Variants in CCN4 observed in about 807,000 individuals in gnomAD.
The protein encoded by CCN4 is CCN family member 4.
CCN4 carries 30 observed loss-of-function variants against 36.7 expected under a neutral mutation model. The ratio of observed to expected loss-of-function variants is 0.82; its 90% confidence interval spans 0.61 to 1.11. The LOEUF (loss-of-function observed/expected upper bound fraction) is 1.11. Among genes scored for constraint, CCN4 ranks in the 50% least tolerant of loss-of-function variants. The probability of loss-of-function intolerance (pLI) is 0.00; values close to 1 mark genes in which losing one functional copy is unlikely to be tolerated. For synonymous variants in CCN4, 191 were observed against 195.4 expected (o/e 0.98, Z 0.19); for missense variants, 505 against 504.9 (o/e 1.00, Z 0.00).
At chr8:133,210,937 A>G (rs1206665593) in intron 1 of CCN4, among the ~76,000 whole-genome samples, 1 of 152,244 alleles carries the variant, frequency 6.6e-6, no homozygotes, top group African/African-American at 2.4e-5. Flanking sequence ...GCCTTGAGGT[A>G]GGGAAAGGGT....
rs1415050858 is a variant in CCN4 at position 133,227,997 on chromosome 8, T to G, written c.*287T>G. ...AGCCTTTCCAAGTCACTAGAAGTCC[T>G]GCTGGATCTTGCCTAAATCCCAAGA... is the stretch of plus-strand genomic sequence containing the variant. On this transcript the variant is annotated 3_prime_UTR_variant, in exon 5 of 5. Transcript: ENST00000250160. The G allele has an allele frequency of 3.0e-6, 1 of 331,474 alleles. No homozygotes were observed. The highest frequency in any genetic ancestry group is 2.1e-5 in the African/African-American group (1 of 47,718). The allele number at this position is 331,474 out of a possible 1,614,324, so 20.5% of individuals were successfully genotyped here. A position where few individuals can be genotyped will look rare whatever the true frequency, so the allele number is the denominator to read the frequency against.
intron 3 of CCN4, 54 bp from the exon 4 acceptor site, chr8:133,225,336 G>T: frequency 6.6e-7 from 1 of 1,512,360 alleles, no homozygotes; most frequent in South Asian, 1.3e-5. Context: ...GAAAGTGAGG[G>T]TTGGGGGCTG....
In CCN4 at chr8:133,213,077, C is replaced by A. The variant is rs781058891; in HGVS notation, c.283C>A (p.Pro95Thr). 2 of 1,614,114 alleles carry A rather than the reference C, an allele frequency of 1.2e-6. No homozygotes were observed. Among genetic ancestry groups the A allele is most frequent in the South Asian group, 2.2e-5 (2 of 91,084 alleles). The change falls in exon 2 of 5, where the codon CCC (proline) becomes ACC (threonine). Residue 95 changes from proline (P) to threonine (T), a missense_variant. Transcript: ENST00000250160. ...DNCTEAAICD[P>T]HRGLYCDYSG... is the part of the protein sequence containing the mutation. ...CTGCACGGAGGCTGCCATCTGTGAC[C>A]CCCACCGGGGCCTCTACTGTGACTA...
At chr8:133,206,492 T>G (rs1018054836) in intron 1 of CCN4, among the ~76,000 whole-genome samples, 3 of 152,126 alleles carry the variant, frequency 2.0e-5, no homozygotes, top group African/African-American at 4.8e-5. Context: ...CTCCTTTTTT[T>G]GGGGGGTGGA....
intron 2 of CCN4, among the ~76,000 whole-genome samples, chr8:133,220,275 G>T (rs1854470437): frequency 6.6e-6 from 1 of 152,188 alleles, no homozygotes; most frequent in Non-Finnish European, 1.5e-5. Context: ...TGTGCCTGGT[G>T]CTGGGGACCC....
chr8:133,211,817 C>G (rs1306464169), intron 1 of CCN4, among the ~76,000 whole-genome samples: 1 of 152,228 alleles, frequency 6.6e-6, no homozygotes, highest in East Asian at 1.9e-4. Context: ...CTCCCGTCCC[C>G]GCTCCTGTGT....
At chr8:133,215,794 G>A (rs1019325592) in intron 2 of CCN4, among the ~76,000 whole-genome samples, 1 of 152,216 alleles carries the variant, frequency 6.6e-6, no homozygotes, top group African/African-American at 2.4e-5. Flanking sequence ...TGGTTCCCTG[G>A]TCATGAAGTT....
chr8:133,207,808 G>T (rs942063091), intron 1 of CCN4, among the ~76,000 whole-genome samples: 1 of 152,174 alleles, frequency 6.6e-6, no homozygotes, highest in Non-Finnish European at 1.5e-5. Flanking sequence ...TGCCTTCAAA[G>T]GATGGCAGAT....
In CCN4 at chr8:133,225,602, T is replaced by G. The variant is rs769367919; in HGVS notation, c.804+19T>G. 4.3e-5 allele frequency: 67 copies of G among 1,549,738 alleles called. No individual in the cohort carries two copies. Among genetic ancestry groups the G allele is most frequent in the Non-Finnish European group, 5.4e-5 (62 of 1,140,014 alleles). On this transcript the variant is annotated intron_variant, in intron 4 of 4. Transcript: ENST00000250160. ...CATTAAGGTGGGTCCAGAGCAGGTG[T>G]GGATGTCTAGACTTCACAAGCAGAC...
chr8:133,216,463 C>G (rs1490122153), intron 2 of CCN4, among the ~76,000 whole-genome samples: 1 of 152,178 alleles, frequency 6.6e-6, no homozygotes, highest in Non-Finnish European at 1.5e-5. Context: ...CAGAAAAAAG[C>G]TAGGTCTTGT....
At chr8:133,204,987 T>TC (rs1853717087) in intron 1 of CCN4, among the ~76,000 whole-genome samples, 5 of 152,348 alleles carry the variant, frequency 3.3e-5, no homozygotes, top group Admixed American at 3.3e-4. Context: ...GAGTAGAGTG[T>TC]CCATTAAAGC....
intron 1 of CCN4, among the ~76,000 whole-genome samples, chr8:133,194,527 G>T (rs1309000349): frequency 2.2e-5 from 2 of 92,278 alleles, no homozygotes; most frequent in East Asian, 3.9e-4. Context: ...TGTGTGTGGG[G>T]GTGTGTGTGG....
Position 133,227,643 on chromosome 8 carries a change from G to T in CCN4, c.1037G>T (p.Cys346Phe). The change falls in exon 5 of 5, where the codon TGT becomes TTT. Residue 346 changes from cysteine (C) to phenylalanine (F), a missense_variant. Coordinates refer to ENST00000250160, the MANE Select transcript of CCN4 (RefSeq NM_003882.4). ...AATGCCTGCTTCTGTAACCTGAGCT[G>T]TAGGAATCCCAATGACATCTTTGCT... is the stretch of plus-strand genomic sequence containing the variant. ...WINACFCNLS[C>F]RNPNDIFADL... The T allele has an allele frequency of 6.2e-7, 1 of 1,614,190 alleles. No individual in the cohort carries two copies. Among genetic ancestry groups the T allele is most frequent in the Non-Finnish European group, 8.5e-7 (1 of 1,180,024 alleles).
At chr8:133,209,007 C>A (rs1853885348) in intron 1 of CCN4, among the ~76,000 whole-genome samples, 2 of 152,188 alleles carry the variant, frequency 1.3e-5, no homozygotes. Context: ...GGTGGGGAGC[C>A]AGTCAGGGGC....
intron 1 of CCN4, among the ~76,000 whole-genome samples, chr8:133,194,013 GTC>G (rs1237571949): frequency 4.6e-5 from 7 of 152,172 alleles, no homozygotes; most frequent in African/African-American, 1.7e-4. Flanking sequence ...GGGACTAACT[GTC>G]TCACCACACC....
chr8:133,192,966 G>T (rs1171599517), intron 1 of CCN4, among the ~76,000 whole-genome samples: 1 of 152,210 alleles, frequency 6.6e-6, no homozygotes, highest in African/African-American at 2.4e-5. Context: ...TCTCTTCTAG[G>T]CAGCCCCTGC....
intron 1 of CCN4, among the ~76,000 whole-genome samples, chr8:133,212,549 C>T (rs1854090781): frequency 6.6e-6 from 1 of 152,030 alleles, no homozygotes; most frequent in African/African-American, 2.4e-5. Flanking sequence ...GTGAGGCCAC[C>T]TCCCTTACCT....
Position 133,227,667 on chromosome 8 carries a change from C to T in CCN4, c.1061C>T (p.Ala354Val). ...LSCRNPNDIF[A>V]DLESYPDFSE... The stretch of plus-strand genomic sequence containing the variant: ...TGTAGGAATCCCAATGACATCTTTG[C>T]TGACTTGGAATCCTACCCTGACTTC... Residue 354 changes from alanine (A) to valine (V), a missense_variant, in exon 5 of 5, where the codon GCT becomes GTT. Coordinates refer to ENST00000250160, the MANE Select transcript of CCN4 (RefSeq NM_003882.4). The T allele has an allele frequency of 6.2e-7, 1 of 1,614,158 alleles. No individual in the cohort carries two copies. The highest frequency in any genetic ancestry group is 1.1e-5 in the South Asian group (1 of 91,084).
intron 1 of CCN4, among the ~76,000 whole-genome samples, chr8:133,204,946 C>G (rs1159385913): frequency 6.6e-6 from 1 of 152,232 alleles, no homozygotes; most frequent in African/African-American, 2.4e-5. Context: ...AATGCCCAGG[C>G]TCCTCCCAGG....
Sources: allele counts gnomAD v4.1 joint callset (sites outside exome capture counted in the v4.1 genomes callset), GRCh38; gene constraint gnomAD v4.1.1; transcripts MANE v1.5; gene names NCBI Gene and HGNC (gene_info 2026-07-23, HGNC 2026-07-21).